The following MAPK10 variants were observed in gnomAD, a reference collection of about 807,000 sequenced individuals.
The protein encoded by MAPK10 is JNK3 alpha protein kinase.
MAPK10 carries 25 observed loss-of-function variants against 59.3 expected under a neutral mutation model. The observed-to-expected ratio is 0.42, with a 90% CI of 0.31 to 0.59. The LOEUF (loss-of-function observed/expected upper bound fraction) is 0.59. MAPK10 is among the 20% of genes least tolerant of loss of function. The probability of loss-of-function intolerance (pLI) is 0.15; values close to 1 mark genes in which losing one functional copy is unlikely to be tolerated. For missense variants in MAPK10, 351 were observed against 568.9 expected, an observed-to-expected ratio of 0.62 and a Z score of 3.90; for synonymous variants, 190 against 200.5, an observed-to-expected ratio of 0.95 and a Z score of 0.44.
chr4:86,544,959 G>A (rs1176779048), intron 1 of MAPK10, among the ~76,000 whole-genome samples: 1 of 152,040 alleles, frequency 6.6e-6, no homozygotes, highest in Non-Finnish European at 1.5e-5. Flanking sequence ...AAATGGAAGG[G>A]AGAAAGAGAG....
chr4:86,358,737 TC>T (rs1197115682), intron 1 of MAPK10: 1 of 152,218 alleles, frequency 6.6e-6, no homozygotes, highest in Non-Finnish European at 1.5e-5. Context: ...TTACAGATTT[TC>T]CAGTAAATTA....
chr4:86,546,556 T>A (rs200519314), intron 1 of MAPK10, among the ~76,000 whole-genome samples: 6 of 136,982 alleles, frequency 4.4e-5, no homozygotes, highest in Admixed American at 2.9e-4. Context: ...AAACTCCTTC[T>A]AAAAAAAAAA....
At chr4:86,292,941 A>G (rs1411921803) in intron 2 of MAPK10, among the ~76,000 whole-genome samples, 2 of 152,164 alleles carry the variant, frequency 1.3e-5, no homozygotes, top group African/African-American at 4.8e-5. Context: ...TCTTATGAGA[A>G]AGGTACAAAT....
intron 3 of MAPK10, among the ~76,000 whole-genome samples, chr4:86,164,253 CG>C (rs2070836328): frequency 6.6e-6 from 1 of 151,944 alleles, no homozygotes; most frequent in Non-Finnish European, 1.5e-5. Context: ...GTCTAGCTCA[CG>C]GTAAAAGATA....
At chr4:86,103,111 G>GTC (rs2055835912) in intron 6 of MAPK10, 75 bp downstream of exon 6, 1 of 807,928 alleles carries the variant, frequency 1.2e-6, no homozygotes, top group African/African-American at 1.7e-5. Flanking sequence ...GTGTGTGTGT[G>GTC]TGTGTGGTGT....
At chr4:86,159,498 G>A (rs1240718194) in intron 3 of MAPK10, 31 bp from the exon 4 acceptor site, 7 of 1,590,312 alleles carry the variant, frequency 4.4e-6, no homozygotes, top group Middle Eastern at 1.7e-4. Flanking sequence ...AAAAACATGA[G>A]GCAAGTGAAC....
chr4:86,405,396 G>A (rs1240422683), intron 1 of MAPK10, among the ~76,000 whole-genome samples: 1 of 152,172 alleles, frequency 6.6e-6, no homozygotes, highest in Non-Finnish European at 1.5e-5. Flanking sequence ...GCTGTGTTCT[G>A]TTGAACATTA....
intron 4 of MAPK10, among the ~76,000 whole-genome samples, chr4:86,142,294 A>C (rs1483517564): frequency 6.6e-6 from 1 of 152,180 alleles, no homozygotes; most frequent in Non-Finnish European, 1.5e-5. Flanking sequence ...AACGAAGAAA[A>C]CTGGAGCTGC....
chr4:86,030,896 A>G (rs2038876450), intron 12 of MAPK10, among the ~76,000 whole-genome samples: 1 of 152,228 alleles, frequency 6.6e-6, no homozygotes, highest in African/African-American at 2.4e-5. Flanking sequence ...TCAGATACAC[A>G]TATTTTCTAT....
At chr4:86,539,013 A>G (rs1371450583) in intron 1 of MAPK10, among the ~76,000 whole-genome samples, 1 of 152,222 alleles carries the variant, frequency 6.6e-6, no homozygotes, top group East Asian at 1.9e-4. Context: ...TAGGCACATC[A>G]GCTTGAGTCT....
chr4:86,089,333 A>T, intron 9 of MAPK10: 1 of 1,201,400 alleles, frequency 8.3e-7, no homozygotes, highest in Non-Finnish European at 1.2e-6. Context: ...AACAACAAAT[A>T]AATGAAAACA....
intron 2 of MAPK10, among the ~76,000 whole-genome samples, chr4:86,318,547 T>C (rs1201230426): frequency 2.0e-5 from 3 of 152,044 alleles, no homozygotes; most frequent in East Asian, 3.9e-4. Context: ...CTAAATAATA[T>C]AATAAGGAGA....
intron 1 of MAPK10, among the ~76,000 whole-genome samples, chr4:86,479,806 T>C (rs1409613053): frequency 2.0e-5 from 3 of 152,124 alleles, no homozygotes; most frequent in Non-Finnish European, 4.4e-5. Flanking sequence ...TCCCACAAAA[T>C]TGTATCCAGG....
chr4:86,511,799 A>G (rs980811615), intron 1 of MAPK10, among the ~76,000 whole-genome samples: 1 of 149,088 alleles, frequency 6.7e-6, no homozygotes, highest in African/African-American at 2.5e-5. Flanking sequence ...GAAGAAAAGG[A>G]AGGAAGGAAG....
At chr4:86,389,735 A>C (rs766309192) in intron 1 of MAPK10, among the ~76,000 whole-genome samples, 1 of 152,178 alleles carries the variant, frequency 6.6e-6, no homozygotes, top group Non-Finnish European at 1.5e-5. Context: ...ATTTTCTAGG[A>C]TTCTGACTAC....
At chr4:86,184,138 A>C (rs1350822940) in intron 3 of MAPK10, among the ~76,000 whole-genome samples, 4 of 152,076 alleles carry the variant, frequency 2.6e-5, no homozygotes, top group African/African-American at 9.7e-5. Flanking sequence ...GAAGCTCTTT[A>C]GTTTAATTAG....
At chr4:86,171,424 A>G (rs1490326475) in intron 3 of MAPK10, among the ~76,000 whole-genome samples, 1 of 151,982 alleles carries the variant, frequency 6.6e-6, no homozygotes, top group Non-Finnish European at 1.5e-5. Flanking sequence ...ATAACGCTGC[A>G]TATCTACAAC....
chr4:86,484,144 A>G (rs1036347022), intron 1 of MAPK10, among the ~76,000 whole-genome samples: 10 of 152,196 alleles, frequency 6.6e-5, no homozygotes, highest in African/African-American at 2.4e-4. Context: ...CTTGAAGCCG[A>G]GAGAATTTAA....
At chr4:86,064,657 C>T in intron 10 of MAPK10, 1 of 402,736 alleles carries the variant, frequency 2.5e-6, no homozygotes, top group South Asian at 3.4e-5. Context: ...AATGTATCAA[C>T]CTGGAGAGTT....
Sources: gnomAD v4.1 joint callset for allele counts (sites outside exome capture counted in the v4.1 genomes callset) on GRCh38, gnomAD v4.1.1 for gene constraint, MANE v1.5 for transcripts, NCBI Gene and HGNC (gene_info 2026-07-23, HGNC 2026-07-21) for gene names.